Variants in CEACAM20 observed in about 807,000 individuals in gnomAD.
CEACAM20 encodes CEA cell adhesion molecule 20.
In CEACAM20, 50 loss-of-function variants were observed where a neutral mutation model predicts 61.2. The ratio of observed to expected loss-of-function variants is 0.82; its 90% CI spans 0.65 to 1.03. CEACAM20 has a LOEUF of 1.03. Among genes scored for constraint, CEACAM20 ranks in the 50% least tolerant of loss-of-function variants. CEACAM20 has a pLI of 0.00. For synonymous variants in CEACAM20, 282 were observed against 287.7 expected (o/e 0.98, Z 0.20); for missense variants, 683 against 736.4 (o/e 0.93, Z 0.84).
chr19:44,509,378 A>AG, intron 11 of CEACAM20, among the ~76,000 whole-genome samples: 1 of 152,054 alleles, frequency 6.6e-6, no homozygotes, highest in African/African-American at 2.4e-5. Context: ...AAAACAGAAA[A>AG]GGGGGGAAAT....
intron 1 of CEACAM20, 69 bp from the exon 2 acceptor site, chr19:44,525,313 A>C (rs1215244762): frequency 1.4e-6 from 2 of 1,458,636 alleles, no homozygotes; most frequent in African/African-American, 1.5e-5. Context: ...TAAGGTCTTC[A>C]GAAGCACAGG....
At position 44,523,914 on chromosome 19, in the gene CEACAM20, G is replaced by C. The variant is rs10426246; in HGVS notation, c.472+72C>G. 1.5e-3 allele frequency: 2,213 copies of C among 1,449,246 alleles called. 39 individuals carry two copies. The African/African-American group carries it at 0.027, about 18-fold the overall frequency. 89.8% of individuals were successfully genotyped at this position (1,449,246 alleles called of 1,614,324 possible). ...AGTCCGCATCTGGATGGTATTTCAA[G>C]CTGTGAGACTGAACGAGGCACTAAG... is the stretch of plus-strand genomic sequence containing the variant. On this transcript the variant is annotated intron_variant, in intron 3 of 11. Coordinates refer to ENST00000614924, the MANE Select transcript of CEACAM20 (RefSeq NM_001102597.3).
intron 5 of CEACAM20, among the ~76,000 whole-genome samples, chr19:44,518,232 G>A (rs1971253180): frequency 4.2e-5 from 5 of 120,188 alleles, no homozygotes; most frequent in African/African-American, 1.2e-4. Context: ...GAGAGAGAGA[G>A]AGAAAGGAAG....
rs773085669 is a variant in CEACAM20 at position 44,517,230 on chromosome 19, TG to T, written c.1031-7del. The T allele has an allele frequency of 1.0e-5, 16 of 1,601,116 alleles. No individual in the cohort carries two copies. Among genetic ancestry groups the T allele is most frequent in the Non-Finnish European group, 8.5e-6 (10 of 1,177,766 alleles). On this transcript the variant is annotated splice_region_variant and splice_polypyrimidine_tract_variant and intron_variant, in intron 5 of 11. Coordinates refer to ENST00000614924, the MANE Select transcript of CEACAM20 (RefSeq NM_001102597.3). ...GTGCACTTGGTCAGGACCATCTGTG[TG>T]TAAAGCCAAACGTGATGCACCCTGG...
intron 11 of CEACAM20, among the ~76,000 whole-genome samples, chr19:44,508,256 T>G (rs1230896517): frequency 1.3e-5 from 2 of 152,264 alleles, no homozygotes; most frequent in Non-Finnish European, 2.9e-5. Flanking sequence ...GCTGTCCTGA[T>G]GACAGGGTTG....
At chr19:44,521,743 TGA>T (rs1971371303) in intron 4 of CEACAM20, among the ~76,000 whole-genome samples, 1 of 152,076 alleles carries the variant, frequency 6.6e-6, no homozygotes, top group Non-Finnish European at 1.5e-5. Context: ...ATGTTTTGTG[TGA>T]GTGTGTGTTG....
At chr19:44,511,007 G>C (rs768628431) in intron 11 of CEACAM20, 23 bp downstream of exon 11, 6 of 1,613,528 alleles carry the variant, frequency 3.7e-6, no homozygotes, top group Admixed American at 3.3e-5. Context: ...CCTGTCCAAA[G>C]ACTCAGTGTG....
At chr19:44,526,309 G>T (rs1599690408) in intron 1 of CEACAM20, among the ~76,000 whole-genome samples, 1 of 152,010 alleles carries the variant, frequency 6.6e-6, no homozygotes, top group African/African-American at 2.4e-5. Flanking sequence ...AGGAATTTGA[G>T]ACCAGCCTGG....
intron 8 of CEACAM20, 72 bp from the exon 9 acceptor site, chr19:44,512,150 A>T (rs1404003788): frequency 8.9e-7 from 1 of 1,122,920 alleles, no homozygotes; most frequent in Non-Finnish European, 1.3e-6. Context: ...TTTTTCCAGG[A>T]CCCCTGACCC....
chr19:44,511,101 G>C lies in CEACAM20; in HGVS notation c.1666C>G (p.Pro556Ala). The C allele has an allele frequency of 6.2e-7, 1 of 1,613,980 alleles. No homozygotes were observed. The highest frequency in any genetic ancestry group is 8.5e-7 in the Non-Finnish European group (1 of 1,179,878). Residue 556 changes from proline (P) to alanine (A), a missense_variant, in exon 11 of 12, where the codon CCA (proline) becomes GCA (alanine). Pro to Ala is a conservative substitution (Grantham distance 27). Coordinates refer to ENST00000614924, the MANE Select transcript of CEACAM20 (RefSeq NM_001102597.3). ...AGTGGGGGCATCAGAGGTTTGGGTG[G>C]TGGCTTCCAGGGGCTGAAAGAATTG... Reference protein sequence around the residue: ...RGNSFSPWKPPPKPLMPPLRL... With the variant: ...RGNSFSPWKPAPKPLMPPLRL...
chr19:44,511,533 T>A, intron 10 of CEACAM20, 104 bp downstream of exon 10: 1 of 1,179,834 alleles, frequency 8.5e-7, no homozygotes, highest in Non-Finnish European at 1.2e-6. Context: ...TGATGTGCCA[T>A]GAAATGTTTA....
At chr19:44,528,482 C>A (rs898640204) in intron 1 of CEACAM20, among the ~76,000 whole-genome samples, 2 of 152,166 alleles carry the variant, frequency 1.3e-5, no homozygotes, top group African/African-American at 4.8e-5. Flanking sequence ...CCTTGGCCCC[C>A]CAAAGTGCTG....
intron 1 of CEACAM20, among the ~76,000 whole-genome samples, chr19:44,527,377 C>A (rs1226246850): frequency 6.6e-6 from 1 of 152,170 alleles, no homozygotes; most frequent in East Asian, 1.9e-4. Context: ...CAGAGCCTGA[C>A]CACCTGGGTT....
At position 44,517,975 on chromosome 19, in the gene CEACAM20, C is replaced by T. The variant is rs1423122759; in HGVS notation, c.1031-751G>A. Among the ~76,000 whole-genome samples, 6 of 151,674 alleles carry T rather than the reference C, an allele frequency of 4.0e-5. No homozygotes were observed. In the East Asian group the frequency reaches 1.2e-3, roughly 29 times the overall value. On this transcript the variant is annotated intron_variant, in intron 5 of 11. Transcript: ENST00000614924. ...GCACATGCCTGTAATTGCAGCTACT[C>T]GAGTGGCTAAGAATCACTTGAACCT... is the stretch of plus-strand genomic sequence containing the variant.
Position 44,525,177 on chromosome 19 carries a change from A to G in CEACAM20, c.120T>C (p.Asp40=), listed in dbSNP as rs1314360909. 1.9e-6 allele frequency: 3 copies of G among 1,610,446 alleles called. No homozygotes were observed. The highest frequency in any genetic ancestry group is 2.5e-6 in the Non-Finnish European group (3 of 1,178,506). Residue 40 remains aspartate, a synonymous_variant, in exon 2 of 12, where the codon GAT becomes GAC. Coordinates refer to ENST00000614924, the MANE Select transcript of CEACAM20 (RefSeq NM_001102597.3). The part of the protein sequence containing the change: ...AQLTLNANPL[D]ATQSEDVVLP... ...GAACAACATCCTCACTTTGGGTGGCATCAAGTGGGTTGGCATTGAGGGTGA... is the reference window on the plus strand; with the variant it reads ...GAACAACATCCTCACTTTGGGTGGCGTCAAGTGGGTTGGCATTGAGGGTGA...
intron 1 of CEACAM20, 85 bp from the exon 2 acceptor site, chr19:44,525,329 C>G (rs1035316996): frequency 7.3e-7 from 1 of 1,363,104 alleles, no homozygotes; most frequent in African/African-American, 1.5e-5. Flanking sequence ...ACAGGGAGCT[C>G]TGAGGCCATA....
intron 1 of CEACAM20, 100 bp downstream of exon 1, chr19:44,529,358 A>G (rs1014762431): frequency 4.8e-4 from 32 of 66,494 alleles, no homozygotes; most frequent in African/African-American, 3.9e-3. Flanking sequence ...TCGAGTGCAC[A>G]CACACACACA....
In CEACAM20 at chr19:44,517,164, T is replaced by G. The variant is rs1340914372; in HGVS notation, c.1091A>C (p.Glu364Ala). 1 of 1,612,920 alleles carries G rather than the reference T, an allele frequency of 6.2e-7. No individual in the cohort carries two copies. The highest frequency in any genetic ancestry group is 1.3e-5 in the African/African-American group (1 of 74,900). Residue 364 changes from glutamate to alanine, a missense_variant, in exon 6 of 12, where the codon GAG becomes GCG. Glu to Ala is a moderately radical substitution (Grantham distance 107, BLOSUM62 -1). Coordinates refer to ENST00000614924, the MANE Select transcript of CEACAM20 (RefSeq NM_001102597.3). Reference protein sequence around the residue: ...ESASEMISTIEAELNSSLTLQ... With the variant: ...ESASEMISTIAAELNSSLTLQ... The stretch of plus-strand genomic sequence containing the variant: ...GGTCAGGCTGGAGTTGAGCTCTGCC[T>G]CTATGGTGCTGATCATCTCAGATGC...
rs190082074 is a variant in CEACAM20, at chr19:44,522,959, A to T, written c.473-47T>A. On this transcript the variant is annotated intron_variant, in intron 3 of 11. Coordinates refer to ENST00000614924, the MANE Select transcript of CEACAM20 (RefSeq NM_001102597.3). Reference sequence around the variant, plus strand: ...CAGCAGTAACAACAGCATCAGCAACAGGTCTCTTATGGAGGTCTTTAACGG... The same window carrying T: ...CAGCAGTAACAACAGCATCAGCAACTGGTCTCTTATGGAGGTCTTTAACGG... 71 of 1,514,158 alleles carry T rather than the reference A, an allele frequency of 4.7e-5. No individual in the cohort carries two copies. In the African/African-American group the frequency reaches 8.9e-4, roughly 19 times the overall value. 93.8% of individuals were successfully genotyped at this position (1,514,158 alleles called of 1,614,324 possible).
Sources: allele counts gnomAD v4.1 joint callset (sites outside exome capture counted in the v4.1 genomes callset), GRCh38; gene constraint gnomAD v4.1.1; transcripts MANE v1.5; gene names NCBI Gene and HGNC (gene_info 2026-07-23, HGNC 2026-07-21).